CDKAL1: variants seen among roughly 807,000 people sequenced by gnomAD.
CDKAL1 encodes threonylcarbamoyladenosine tRNA methylthiotransferase.
CDKAL1 carries 32 observed loss-of-function variants against 68.2 expected under a neutral mutation model. The observed-to-expected ratio is 0.47, with a 90% CI of 0.35 to 0.63. The LOEUF is 0.63. CDKAL1 is among the 30% of genes least tolerant of loss of function. The pLI, the probability that CDKAL1 is intolerant of heterozygous loss-of-function variation, is 0.00. For synonymous variants in CDKAL1, 234 were observed against 244.3 expected, an observed-to-expected ratio of 0.96 and a Z score of 0.39; for missense variants, 606 against 696.7, an observed-to-expected ratio of 0.87 and a Z score of 1.47.
intron 4 of CDKAL1, among the ~76,000 whole-genome samples, chr6:20,637,308 A>G (rs1767952344): frequency 6.6e-6 from 1 of 151,998 alleles, no homozygotes; most frequent in African/African-American, 2.4e-5. Context: ...CACACCTGTA[A>G]TCTCAGCACT....
At chr6:21,096,392 ACT>A (rs1224771768) in intron 12 of CDKAL1, among the ~76,000 whole-genome samples, 1 of 152,098 alleles carries the variant, frequency 6.6e-6, no homozygotes, top group African/African-American at 2.4e-5. Context: ...GCAGATCCAG[ACT>A]CTGTTTTCGC....
At chr6:20,655,093 T>A (rs1768961772) in intron 5 of CDKAL1, among the ~76,000 whole-genome samples, 1 of 152,246 alleles carries the variant, frequency 6.6e-6, no homozygotes, top group Non-Finnish European at 1.5e-5. Flanking sequence ...TCTTTTAGAC[T>A]TTTTTCTCCC....
At chr6:20,804,378 C>G (rs149127144) in intron 8 of CDKAL1, among the ~76,000 whole-genome samples, 1 of 152,126 alleles carries the variant, frequency 6.6e-6, no homozygotes, top group Non-Finnish European at 1.5e-5. Context: ...TACAGGTGAT[C>G]GGTTAGTTCA....
chr6:20,919,892 A>G (rs4712564), intron 9 of CDKAL1, among the ~76,000 whole-genome samples: 25,183 of 152,138 alleles, frequency 0.17, 2,568 homozygotes, highest in Middle Eastern at 0.26. Context: ...GAAATGAGCA[A>G]TTTGAGGAGA....
chr6:20,845,599 G>A (rs1778347788), intron 8 of CDKAL1, among the ~76,000 whole-genome samples: 1 of 151,996 alleles, frequency 6.6e-6, no homozygotes, highest in African/African-American at 2.4e-5. Context: ...ATTTTCTTAT[G>A]AGAATGCTAT....
chr6:21,000,329 T>A lies in CDKAL1; in HGVS notation c.1012T>A (p.Cys338Ser), dbSNP rs1767362750. 1.9e-6 allele frequency: 3 copies of A among 1,613,786 alleles called. No individual in the cohort carries two copies. Among genetic ancestry groups the A allele is most frequent in the Non-Finnish European group, 2.5e-6 (3 of 1,179,802 alleles). The stretch of plus-strand genomic sequence containing the variant: ...ACTCATGGAAATGAAAAGAGAATAC[T>A]GTGTGGCTGACTTCAAAAGAGTAGT... ...SVLMEMKREY[C>S]VADFKRVVDF... The change falls in exon 11 of 16, where the codon TGT (cysteine) becomes AGT (serine). Residue 338 changes from cysteine to serine, a missense_variant. Physicochemically the swap from Cys to Ser is moderately radical, Grantham distance 112. Coordinates refer to ENST00000274695, the MANE Select transcript of CDKAL1 (RefSeq NM_017774.3).
intron 5 of CDKAL1, among the ~76,000 whole-genome samples, chr6:20,696,744 T>G (rs993313596): frequency 3.2e-4 from 48 of 152,246 alleles, no homozygotes; most frequent in African/African-American, 1.0e-3. Context: ...GAATTTGAAG[T>G]AAAGCTGAGT....
At position 21,231,152 on chromosome 6, in the gene CDKAL1, C is replaced by G. The variant is rs1247122527; in HGVS notation, c.*113C>G. On this transcript the variant is annotated 3_prime_UTR_variant, in exon 16 of 16. Transcript: ENST00000274695. ...AGGGCAATAATTTGTACTGGTCATGCTGCCTCCTTCTCAGCCACTCTTCTT... is the reference window on the plus strand; with the variant it reads ...AGGGCAATAATTTGTACTGGTCATGGTGCCTCCTTCTCAGCCACTCTTCTT... The G allele has an allele frequency of 5.5e-6, 4 of 732,128 alleles. No homozygotes were observed. The African/African-American group carries it at 7.1e-5, about 13-fold the overall frequency. The allele number at this position is 732,128 out of a possible 1,614,324, so 45.4% of individuals were successfully genotyped here. A position where few individuals can be genotyped will look rare whatever the true frequency, so the allele number is the denominator to read the frequency against.
At chr6:21,080,560 A>C (rs890253413) in intron 12 of CDKAL1, among the ~76,000 whole-genome samples, 7 of 152,192 alleles carry the variant, frequency 4.6e-5, no homozygotes, top group African/African-American at 1.7e-4. Flanking sequence ...CTCAGTCAGA[A>C]TCATCCTTTC....
At chr6:20,811,502 G>A (rs1014076292) in intron 8 of CDKAL1, among the ~76,000 whole-genome samples, 1 of 151,832 alleles carries the variant, frequency 6.6e-6, no homozygotes, top group Non-Finnish European at 1.5e-5. Context: ...CATTTCATTT[G>A]TCCTGTAGTT....
chr6:20,886,011 T>C (rs1761049751), intron 9 of CDKAL1, among the ~76,000 whole-genome samples: 1 of 152,058 alleles, frequency 6.6e-6, no homozygotes, highest in Non-Finnish European at 1.5e-5. Context: ...CACTCCAGCC[T>C]GAGAAACAGA....
chr6:21,040,932 G>C (rs894530112), intron 11 of CDKAL1, among the ~76,000 whole-genome samples: 8 of 152,112 alleles, frequency 5.3e-5, no homozygotes, highest in African/African-American at 1.9e-4. Context: ...GTTGCCCATA[G>C]ATAGATGATA....
At chr6:20,659,574 A>G (rs946528335) in intron 5 of CDKAL1, among the ~76,000 whole-genome samples, 2 of 152,194 alleles carry the variant, frequency 1.3e-5, no homozygotes, top group African/African-American at 4.8e-5. Context: ...ACATTTTCCT[A>G]TCATTTGTCA....
At chr6:20,635,026 G>T (rs1767842731) in intron 4 of CDKAL1, among the ~76,000 whole-genome samples, 1 of 151,650 alleles carries the variant, frequency 6.6e-6, no homozygotes. Context: ...ATGATTCCTA[G>T]GGTTCTGGTT....
At chr6:20,981,363 G>C (rs1370605883) in intron 10 of CDKAL1, among the ~76,000 whole-genome samples, 1 of 152,102 alleles carries the variant, frequency 6.6e-6, no homozygotes, top group Non-Finnish European at 1.5e-5. Flanking sequence ...ACTCAGAGTA[G>C]CTTCATACTT....
chr6:20,949,029 C>CA (rs1764396867), intron 9 of CDKAL1, among the ~76,000 whole-genome samples: 1 of 152,178 alleles, frequency 6.6e-6, no homozygotes, highest in African/African-American at 2.4e-5. Context: ...TATGCCAACA[C>CA]ATTTTTTCTA....
rs1562070944 is a variant in CDKAL1 at position 21,147,641 on chromosome 6, G to T, written c.1299+39178G>T. On this transcript the variant is annotated intron_variant, in intron 13 of 15. Coordinates refer to ENST00000274695, the MANE Select transcript of CDKAL1 (RefSeq NM_017774.3). Reference sequence around the variant, plus strand: ...TGACTTTACTTTGACTTGAGAAGAAGCTAATTATGGGTTGATTTCTGGAAA... The same window carrying T: ...TGACTTTACTTTGACTTGAGAAGAATCTAATTATGGGTTGATTTCTGGAAA... 2.6e-5 allele frequency among the ~76,000 whole-genome samples: 4 copies of T among 152,162 alleles called. No homozygotes were observed. The South Asian group carries it at 8.3e-4, about 32-fold the overall frequency.
At chr6:20,808,724 T>C (rs1376472188) in intron 8 of CDKAL1, among the ~76,000 whole-genome samples, 2 of 152,256 alleles carry the variant, frequency 1.3e-5, no homozygotes, top group Non-Finnish European at 2.9e-5. Flanking sequence ...GTATTATTAG[T>C]ATGAGGTAGT....
intron 9 of CDKAL1, among the ~76,000 whole-genome samples, chr6:20,864,762 T>A (rs940032032): frequency 1.3e-5 from 2 of 152,154 alleles, no homozygotes; most frequent in African/African-American, 4.8e-5. Context: ...AGTCAACCAC[T>A]CTATTGCTAA....
Sources: allele counts gnomAD v4.1 joint callset (sites outside exome capture counted in the v4.1 genomes callset), GRCh38; gene constraint gnomAD v4.1.1; transcripts MANE v1.5; gene names NCBI Gene and HGNC (gene_info 2026-07-23, HGNC 2026-07-21).